Variants in CCDC159 observed in about 807,000 individuals in gnomAD.
The protein encoded by CCDC159 is coiled-coil domain-containing protein 159.
CCDC159 carries 40 observed loss-of-function variants against 50.9 expected under a neutral mutation model. That is an observed-to-expected ratio of 0.79 (90% CI 0.61 to 1.02). CCDC159 has a LOEUF of 1.02. Ranked by LOEUF, CCDC159 falls within the 50% of genes least tolerant of loss-of-function variation. The probability of loss-of-function intolerance (pLI) is 0.00; values close to 1 mark genes in which losing one functional copy is unlikely to be tolerated. For missense variants in CCDC159, 356 were observed against 371.5 expected (o/e 0.96, Z 0.34); for synonymous variants, 146 against 138.9 (o/e 1.05, Z -0.36).
intron 4 of CCDC159, among the ~76,000 whole-genome samples, chr19:11,350,525 C>T (rs1043241048): frequency 6.6e-6 from 1 of 152,112 alleles, no homozygotes; most frequent in Non-Finnish European, 1.5e-5. Context: ...TGGTGGTATG[C>T]ACCTGTAGTC....
intron 10 of CCDC159, 49 bp from the exon 11 acceptor site, chr19:11,354,824 G>T (rs374355333): frequency 1.2e-6 from 2 of 1,612,400 alleles, no homozygotes; most frequent in Non-Finnish European, 1.7e-6. Context: ...CTGCAGCCCC[G>T]GAGTCCCCTG....
At chr19:11,346,738 C>A in intron 1 of CCDC159, 111 bp downstream of exon 1, 2 of 1,295,436 alleles carry the variant, frequency 1.5e-6, no homozygotes, top group Non-Finnish European at 2.2e-6. Context: ...CCGGGAGGGA[C>A]ACGGAAGCAG....
rs371748172 is a variant in CCDC159, at chr19:11,350,001, A to T, written c.119A>T (p.Lys40Met). Residue 40 changes from lysine (K) to methionine (M), a missense_variant, in exon 3 of 11, where the codon AAG becomes ATG. By Grantham distance (95) the Lys-to-Met change is moderately conservative. Coordinates refer to ENST00000458408, the MANE Select transcript of CCDC159 (RefSeq NM_001080503.3). ...CTGCGATGTGAACTTGAGTCACTCA[A>T]GAGCCAGTTACAGGCCCAGACCAAG... ...KLLRCELESL[K>M]SQLQAQTKAF... 1 of 1,613,842 alleles carries T rather than the reference A, an allele frequency of 6.2e-7. No homozygotes were observed. The highest frequency in any genetic ancestry group is 2.2e-5 in the East Asian group (1 of 44,868).
intron 4 of CCDC159, 124 bp from the exon 5 acceptor site, chr19:11,350,684 T>G: frequency 3.3e-6 from 3 of 905,002 alleles, no homozygotes; most frequent in Non-Finnish European, 4.9e-6. Flanking sequence ...GCTGGTCCTG[T>G]TGGGATCAGC....
intron 7 of CCDC159, among the ~76,000 whole-genome samples, chr19:11,353,122 C>T (rs1459075812): frequency 2.6e-5 from 4 of 151,986 alleles, no homozygotes; most frequent in East Asian, 1.9e-4. Context: ...TTTTTTGAGA[C>T]GGAGTTTCCC....
At chr19:11,352,194 C>T (rs1395756297) in intron 7 of CCDC159, 61 bp downstream of exon 7, 2 of 1,514,642 alleles carry the variant, frequency 1.3e-6, no homozygotes, top group Non-Finnish European at 1.8e-6. Flanking sequence ...GGGATTTTGG[C>T]CAGCCTCCAC....
At chr19:11,347,061 G>T (rs1327013054) in intron 1 of CCDC159, among the ~76,000 whole-genome samples, 2 of 152,076 alleles carry the variant, frequency 1.3e-5, no homozygotes, top group Admixed American at 6.6e-5. Flanking sequence ...ACAGAGCTAG[G>T]ATTTGAACCC....
chr19:11,347,163 G>A (rs1967288285), intron 1 of CCDC159, among the ~76,000 whole-genome samples: 1 of 151,976 alleles, frequency 6.6e-6, no homozygotes, highest in Non-Finnish European at 1.5e-5. Context: ...CTCTCGGAGG[G>A]GCAGCTTAGG....
At position 11,349,204 on chromosome 19, in the gene CCDC159, C is replaced by T. The variant is rs760147493; in HGVS notation, c.22-450C>T. On this transcript the variant is annotated intron_variant, in intron 1 of 10. Coordinates refer to ENST00000458408, the MANE Select transcript of CCDC159 (RefSeq NM_001080503.3). ...ATCACAACGTAGCTAAGGTCACCCC[C>T]ACCCGGGAAACCCCTTCAATGCAGA... The T allele has an allele frequency of 6.8e-6, 9 of 1,323,442 alleles. No homozygotes were observed. In the South Asian group the frequency reaches 9.3e-5, roughly 14 times the overall value. The allele number at this position is 1,323,442 out of a possible 1,614,324, so 82.0% of individuals were successfully genotyped here.
intron 4 of CCDC159, 89 bp downstream of exon 4, chr19:11,350,288 T>C: frequency 8.7e-7 from 1 of 1,145,046 alleles, no homozygotes; most frequent in African/African-American, 1.6e-5. Context: ...CCAAAGAGGT[T>C]GGATCACTTG....
chr19:11,354,640 G>C lies in CCDC159; in HGVS notation c.833G>C (p.Cys278Ser), dbSNP rs6887. The change falls in exon 10 of 11, where the codon TGT (cysteine) becomes TCT (serine). Residue 278 changes from cysteine to serine, a missense_variant. Physicochemically the swap from Cys to Ser is moderately radical, Grantham distance 112. Coordinates refer to ENST00000458408, the MANE Select transcript of CCDC159 (RefSeq NM_001080503.3). The part of the protein sequence containing the change: ...PLPSWDSDSD[C>S]DQDLSQPPFS... ...CCCTCCTGGGACTCTGACTCCGACT[G>C]TGACCAGGACCTCTCCCAGCCACCT... The C allele has an allele frequency of 0.45, 717,926 of 1,603,746 alleles. 163,015 individuals carry two copies. Among genetic ancestry groups the C allele is most frequent in the Non-Finnish European group, 0.47 (548,839 of 1,174,756 alleles).
At chr19:11,349,137 T>G in intron 1 of CCDC159, 2 of 1,351,946 alleles carry the variant, frequency 1.5e-6, no homozygotes, top group Non-Finnish European at 2.0e-6. Context: ...AGTCCAGACC[T>G]GCAGAAGCAG....
chr19:11,353,289 A>T, intron 7 of CCDC159, 162 bp from the exon 8 acceptor site: 1 of 607,400 alleles, frequency 1.6e-6, no homozygotes, highest in Non-Finnish European at 2.6e-6. Context: ...TTTAGTAGAG[A>T]TGCGGTTTCA....
chr19:11,350,018 C>G lies in CCDC159; in HGVS notation c.136C>G (p.Gln46Glu), dbSNP rs1158271346. The G allele has an allele frequency of 4.5e-5, 72 of 1,613,642 alleles. No individual in the cohort carries two copies. Among genetic ancestry groups the G allele is most frequent in the Non-Finnish European group, 6.0e-5 (71 of 1,179,816 alleles). ...GTCACTCAAGAGCCAGTTACAGGCCCAGACCAAGGTGAACCACCTTGGCCC... is the reference window on the plus strand; with the variant it reads ...GTCACTCAAGAGCCAGTTACAGGCCGAGACCAAGGTGAACCACCTTGGCCC... ...LESLKSQLQA[Q>E]TKAFEFLNHS... Residue 46 changes from glutamine to glutamate, a missense_variant, in exon 3 of 11, where the codon CAG (glutamine) becomes GAG (glutamate). Gln to Glu is a conservative substitution (Grantham distance 29). Transcript: ENST00000458408.
At chr19:11,351,119 A>C in intron 5 of CCDC159, 116 bp downstream of exon 5, 1 of 1,068,550 alleles carries the variant, frequency 9.4e-7, no homozygotes, top group Non-Finnish European at 1.3e-6. Context: ...GGACTGAGGG[A>C]TGGTGGAAAG....
Position 11,346,635 on chromosome 19 carries a change from G to T in CCDC159, c.21+8G>T. 2 of 1,551,522 alleles carry T rather than the reference G, an allele frequency of 1.3e-6. No individual in the cohort carries two copies. The highest frequency in any genetic ancestry group is 2.4e-5 in the East Asian group (1 of 40,882). On this transcript the variant is annotated splice_region_variant and intron_variant, in intron 1 of 10. Coordinates refer to ENST00000458408, the MANE Select transcript of CCDC159 (RefSeq NM_001080503.3). ...GGAGAGCATGAACAGGTGGTATGTG[G>T]TAGGTGGGGTTCTGGAGCCTGGCGG...
chr19:11,349,821 G>A, intron 2 of CCDC159, 117 bp from the exon 3 acceptor site: 1 of 1,208,876 alleles, frequency 8.3e-7, no homozygotes, highest in Admixed American at 1.9e-5. Flanking sequence ...GTGGGCCCCT[G>A]TTCTATATCT....
Position 11,351,018 on chromosome 19 carries a change from G to C in CCDC159, c.422+15G>C, listed in dbSNP as rs1300647921. 4.6e-6 allele frequency: 7 copies of C among 1,533,978 alleles called. No homozygotes were observed. The highest frequency in any genetic ancestry group is 1.4e-5 in the African/African-American group (1 of 72,698). ...ATCCGGGACAGGTCGGGGATGGCGGGAGGGCAGCTTGGAGTCCACAGGAGG... is the reference window on the plus strand; with the variant it reads ...ATCCGGGACAGGTCGGGGATGGCGGCAGGGCAGCTTGGAGTCCACAGGAGG... On this transcript the variant is annotated intron_variant, in intron 5 of 10. Transcript: ENST00000458408.
Position 11,346,613 on chromosome 19 carries a change from G to A in CCDC159, c.7G>A (p.Glu3Lys), listed in dbSNP as rs944158089. The A allele has an allele frequency of 2.6e-6, 4 of 1,551,422 alleles. No homozygotes were observed. The highest frequency in any genetic ancestry group is 2.0e-5 in the Admixed American group (1 of 50,968). The change falls in exon 1 of 11, where the codon GAG becomes AAG. Residue 3 changes from glutamate to lysine, a missense_variant. Glu to Lys is a moderately conservative substitution (Grantham distance 56, BLOSUM62 1). Coordinates refer to ENST00000458408, the MANE Select transcript of CCDC159 (RefSeq NM_001080503.3). Reference protein sequence around the residue: MGEHEQVKPLETS... With the variant: MGKHEQVKPLETS... ...ACTGGCTTCGTGGTCCCTGATGGGA[G>A]AGCATGAACAGGTGGTATGTGGTAG...
Sources: allele counts gnomAD v4.1 joint callset (sites outside exome capture counted in the v4.1 genomes callset), GRCh38; gene constraint gnomAD v4.1.1; transcripts MANE v1.5; gene names NCBI Gene and HGNC (gene_info 2026-07-23, HGNC 2026-07-21).